DZIP1: variants seen among roughly 807,000 people sequenced by gnomAD.
DZIP1 encodes the protein DAZ interacting zinc finger protein 1.
In DZIP1, 97 loss-of-function variants were observed where a neutral mutation model predicts 107.6. That is an observed-to-expected ratio of 0.90 (90% confidence interval 0.77 to 1.07). DZIP1 has a LOEUF of 1.07. DZIP1 is among the 50% of genes least tolerant of loss of function. DZIP1 has a pLI of 0.00. For missense variants in DZIP1, 1,035 were observed against 1,063.6 expected (o/e 0.97, Z 0.37); for synonymous variants, 390 against 386.4 (o/e 1.01, Z -0.11).
chr13:95,591,459 C>G (rs1490560755), intron 16 of DZIP1, among the ~76,000 whole-genome samples: 1 of 152,196 alleles, frequency 6.6e-6, no homozygotes, highest in African/African-American at 2.4e-5. Context: ...GTCTCACACA[C>G]ACAGCTACCT....
chr13:95,590,537 C>T, intron 16 of DZIP1, 96 bp from the exon 17 acceptor site: 1 of 1,256,964 alleles, frequency 8.0e-7, no homozygotes, highest in Non-Finnish European at 1.1e-6. Context: ...TCAATCCATC[C>T]TTACAGGGCT....
At chr13:95,642,803 G>A (rs1702915708) in intron 3 of DZIP1, among the ~76,000 whole-genome samples, 1 of 152,000 alleles carries the variant, frequency 6.6e-6, no homozygotes, top group East Asian at 1.9e-4. Flanking sequence ...TTTGATGGCA[G>A]GCTTTCTAGA....
intron 8 of DZIP1, among the ~76,000 whole-genome samples, chr13:95,623,898 C>A (rs960620392): frequency 6.6e-6 from 1 of 152,076 alleles, no homozygotes; most frequent in Non-Finnish European, 1.5e-5. Flanking sequence ...GAGATTGTGC[C>A]ACTACACTCC....
chr13:95,609,408 A>T (rs753260065), intron 13 of DZIP1, 49 bp downstream of exon 13: 1 of 1,293,898 alleles, frequency 7.7e-7, no homozygotes, highest in Non-Finnish European at 1.0e-6. Flanking sequence ...GTTTTGGTTT[A>T]GCATTTTAAA....
Position 95,642,146 on chromosome 13 carries a change from G to A in DZIP1, c.-117C>T. On this transcript the variant is annotated 5_prime_UTR_variant, in exon 4 of 23. Transcript: ENST00000376829. ...GCTTCCGCGGCGGCGGCGGCCTAAGGTCTGGGCGTCCAGGACGTTGCTATA... is the reference window on the plus strand; with the variant it reads ...GCTTCCGCGGCGGCGGCGGCCTAAGATCTGGGCGTCCAGGACGTTGCTATA... 3 of 1,342,488 alleles carry A rather than the reference G, an allele frequency of 2.2e-6. No homozygotes were observed. Among genetic ancestry groups the A allele is most frequent in the Non-Finnish European group, 2.9e-6 (3 of 1,027,278 alleles). The allele number at this position is 1,342,488 out of a possible 1,614,324, so 83.2% of individuals were successfully genotyped here. A position where few individuals can be genotyped will look rare whatever the true frequency, so the allele number is the denominator to read the frequency against.
At chr13:95,590,756 G>A (rs1377036532) in intron 16 of DZIP1, among the ~76,000 whole-genome samples, 4 of 152,226 alleles carry the variant, frequency 2.6e-5, no homozygotes, top group Admixed American at 1.3e-4. Flanking sequence ...AGAGAAGGCT[G>A]AAAGGGGAGG....
rs1183083191 is a variant in DZIP1 at position 95,586,188 on chromosome 13, T to C, written c.2219-52A>G. ...GTTAAGTATTTAAAAATTTAATCTATCTTTAGTTCCAAAATAACCTTACAG... is the reference window on the plus strand; with the variant it reads ...GTTAAGTATTTAAAAATTTAATCTACCTTTAGTTCCAAAATAACCTTACAG... On this transcript the variant is annotated intron_variant, in intron 20 of 22. Transcript: ENST00000376829. 6 of 1,463,196 alleles carry C rather than the reference T, an allele frequency of 4.1e-6. No homozygotes were observed. In the African/African-American group the frequency reaches 4.3e-5, roughly 11 times the overall value. The allele number at this position is 1,463,196 out of a possible 1,614,324, so 90.6% of individuals were successfully genotyped here.
At position 95,641,805 on chromosome 13, in the gene DZIP1, G is replaced by T. The variant is rs774787402; in HGVS notation, c.87C>A (p.Pro29=). The T allele has an allele frequency of 5.4e-6, 8 of 1,476,358 alleles. No individual in the cohort carries two copies. In the African/African-American group the frequency reaches 8.7e-5, roughly 16 times the overall value. 91.5% of individuals were successfully genotyped at this position (1,476,358 alleles called of 1,614,324 possible). The part of the protein sequence containing the change: ...YYPLASGPEG[P]DVAVAAAAAG... ...CGGCGGCGGCGGCCACAGCGACGTC[G>T]GGCCCCTCTGGGCCGCTGGCGAGCG... is the stretch of plus-strand genomic sequence containing the variant. The change falls in exon 5 of 23, where the codon CCC becomes CCA. Residue 29 remains proline (P), a synonymous_variant. Transcript: ENST00000376829. The surrounding 1 kb of genome is among the most constrained non-coding windows in gnomAD (Gnocchi z 4.3).
chr13:95,632,494 C>T (rs978064089), intron 6 of DZIP1, among the ~76,000 whole-genome samples: 5 of 152,140 alleles, frequency 3.3e-5, no homozygotes, highest in Non-Finnish European at 5.9e-5. Flanking sequence ...GCCCCCGTCT[C>T]TCTCACCTCG....
At chr13:95,632,590 A>T (rs1036671313) in intron 6 of DZIP1, among the ~76,000 whole-genome samples, 2 of 152,158 alleles carry the variant, frequency 1.3e-5, no homozygotes, top group South Asian at 4.1e-4. Flanking sequence ...TAGAAGGGTC[A>T]TGCTAAGGTA....
chr13:95,625,945 A>G (rs1185809373), intron 7 of DZIP1, among the ~76,000 whole-genome samples: 1 of 151,790 alleles, frequency 6.6e-6, no homozygotes, highest in Non-Finnish European at 1.5e-5. Flanking sequence ...AAACATTGTG[A>G]GACCTCATCT....
chr13:95,642,009 A>G lies in DZIP1; in HGVS notation c.21T>C (p.Asp7=), dbSNP rs201694090. 14 of 1,577,440 alleles carry G rather than the reference A, an allele frequency of 8.9e-6. No individual in the cohort carries two copies. In the East Asian group the frequency reaches 1.0e-4, roughly 11 times the overall value. Residue 7 remains aspartate, a synonymous_variant, in exon 4 of 23, where the codon GAT becomes GAC. Coordinates refer to ENST00000376829, the MANE Select transcript of DZIP1 (RefSeq NM_198968.4). MQAEAA[D]WFSSMPFQKH... ...CGCCTCTTACCATGCTTGAAAACCA[A>G]TCCGCTGCCTCAGCTTGCATAGGAG...
chr13:95,640,924 A>G (rs1478446170), intron 5 of DZIP1, among the ~76,000 whole-genome samples: 2 of 152,214 alleles, frequency 1.3e-5, no homozygotes, highest in South Asian at 2.1e-4. Context: ...TATAAAAATG[A>G]GAAAAAGACC....
rs58684499 is a variant in DZIP1, at chr13:95,607,083, G to A, written c.1421-1024C>T. 7.4e-3 allele frequency among the ~76,000 whole-genome samples: 1,119 copies of A among 151,964 alleles called. 17 individuals are homozygous for A. The highest frequency in any genetic ancestry group is 0.026 in the African/African-American group (1,063 of 41,398). The stretch of plus-strand genomic sequence containing the variant: ...TTTTAAAAAACACAGTTTTACTCCC[G>A]TCGCCCAGGGTGGAGTGCAGTGGCA... On this transcript the variant is annotated intron_variant, in intron 13 of 22. Coordinates refer to ENST00000376829, the MANE Select transcript of DZIP1 (RefSeq NM_198968.4).
chr13:95,608,026 T>C (rs951409774), intron 13 of DZIP1, among the ~76,000 whole-genome samples: 7 of 152,254 alleles, frequency 4.6e-5, no homozygotes, highest in African/African-American at 1.4e-4. Context: ...ATGTATGTTT[T>C]CTTTTAAGTG....
chr13:95,627,939 A>G (rs1421585382), intron 7 of DZIP1, among the ~76,000 whole-genome samples: 1 of 152,216 alleles, frequency 6.6e-6, no homozygotes, highest in Non-Finnish European at 1.5e-5. Flanking sequence ...ACCTACATAC[A>G]ATGGAATATT....
Position 95,624,796 on chromosome 13 carries a change from A to G in DZIP1, c.944T>C (p.Leu315Ser), listed in dbSNP as rs1876334488. The G allele has an allele frequency of 6.2e-7, 1 of 1,604,816 alleles. No individual in the cohort carries two copies. Among genetic ancestry groups the G allele is most frequent in the Non-Finnish European group, 8.5e-7 (1 of 1,173,984 alleles). Residue 315 changes from leucine (L) to serine (S), a missense_variant, in exon 8 of 23, where the codon TTA becomes TCA. By Grantham distance (145) the Leu-to-Ser change is moderately radical. Transcript: ENST00000376829. Reference protein sequence around the residue: ...KEMFMKEFKELTSKNSALEYQ... With the variant: ...KEMFMKEFKESTSKNSALEYQ... Reference sequence around the variant, plus strand: ...TTCTAATGCTGAATTCTTCGAAGTTAATTCTTTAAATTCCTTCATAAACAT... The same window carrying G: ...TTCTAATGCTGAATTCTTCGAAGTTGATTCTTTAAATTCCTTCATAAACAT...
At chr13:95,630,219 T>C in intron 6 of DZIP1, 106 bp from the exon 7 acceptor site, 1 of 1,374,472 alleles carries the variant, frequency 7.3e-7, no homozygotes, top group African/African-American at 1.5e-5. Context: ...GTCCTCTTAC[T>C]TGGGATACGA....
intron 10 of DZIP1, among the ~76,000 whole-genome samples, chr13:95,616,069 G>C (rs1875023151): frequency 6.6e-6 from 1 of 152,186 alleles, no homozygotes; most frequent in Non-Finnish European, 1.5e-5. Flanking sequence ...TTTTGCTTCA[G>C]TGTAATGTAG....
Sources: gnomAD v4.1 joint callset for allele counts (sites outside exome capture counted in the v4.1 genomes callset) on GRCh38, gnomAD v4.1.1 for gene constraint, Gnocchi (gnomAD v3.1) non-coding constraint, MANE v1.5 for transcripts, NCBI Gene and HGNC (gene_info 2026-07-23, HGNC 2026-07-21) for gene names.